The following OTUD7A variants were observed in gnomAD, a reference collection of about 807,000 sequenced individuals.
OTUD7A encodes OTU domain-containing protein 7A.
In OTUD7A, 12 loss-of-function variants were observed where a neutral mutation model predicts 65.7. The observed-to-expected ratio is 0.18, with a 90% confidence interval of 0.12 to 0.30. The LOEUF is 0.30. Ranked by LOEUF, OTUD7A falls within the 10% of genes least tolerant of loss-of-function variation. The pLI is 1.00. For synonymous variants in OTUD7A, 641 were observed against 586.3 expected (o/e 1.09, Z -1.35); for missense variants, 1,148 against 1,304.8 (o/e 0.88, Z 1.85).
chr15:31,773,517 A>G (rs2140916284), intron 1 of OTUD7A, among the ~76,000 whole-genome samples: 1 of 152,314 alleles, frequency 6.6e-6, no homozygotes, highest in South Asian at 2.1e-4. Flanking sequence ...GATACACCCT[A>G]ATGACCTAAT....
intron 2 of OTUD7A, among the ~76,000 whole-genome samples, chr15:31,656,477 G>T (rs1001938541): frequency 6.6e-5 from 10 of 152,178 alleles, no homozygotes; most frequent in Admixed American, 2.0e-4. Context: ...TTAAAACAGA[G>T]ACCCTTAAGG....
intron 1 of OTUD7A, among the ~76,000 whole-genome samples, chr15:31,666,393 A>G (rs1360483504): frequency 6.6e-6 from 1 of 152,020 alleles, no homozygotes; most frequent in Non-Finnish European, 1.5e-5. Flanking sequence ...TAGGTTTTCT[A>G]GTTTATGTGT....
At chr15:31,662,179 G>A (rs36068146) in intron 1 of OTUD7A, among the ~76,000 whole-genome samples, 14 of 152,298 alleles carry the variant, frequency 9.2e-5, no homozygotes, top group South Asian at 2.1e-4. Context: ...GAGGGGTTGC[G>A]TATACTGGCA....
chr15:31,753,286 A>G (rs78284910), intron 1 of OTUD7A, among the ~76,000 whole-genome samples: 2,576 of 152,130 alleles, frequency 0.017, 79 homozygotes, highest in African/African-American at 0.059. Context: ...AGTGTCACTG[A>G]AGAATTCTAC....
chr15:31,659,540 A>T (rs1892097960), intron 1 of OTUD7A, among the ~76,000 whole-genome samples: 1 of 152,254 alleles, frequency 6.6e-6, no homozygotes, highest in Non-Finnish European at 1.5e-5. Context: ...AATAAAAATT[A>T]GCGCAAAAAT....
intron 8 of OTUD7A, among the ~76,000 whole-genome samples, chr15:31,507,182 T>C (rs1203829464): frequency 1.3e-5 from 2 of 152,200 alleles, no homozygotes; most frequent in African/African-American, 4.8e-5. Context: ...TAATGTGTAT[T>C]TTAAAAATAT....
intron 1 of OTUD7A, among the ~76,000 whole-genome samples, chr15:31,770,309 G>C (rs771129202): frequency 5.9e-5 from 9 of 152,080 alleles, no homozygotes; most frequent in Non-Finnish European, 7.4e-5. Context: ...AAAAAAGTCA[G>C]AAAACTCATA....
intron 3 of OTUD7A, among the ~76,000 whole-genome samples, chr15:31,594,176 C>T (rs1566935604): frequency 1.3e-5 from 2 of 152,224 alleles, no homozygotes; most frequent in Admixed American, 6.5e-5. Flanking sequence ...CTGAGAGTGA[C>T]AGCAGCCTTC....
intron 1 of OTUD7A, among the ~76,000 whole-genome samples, chr15:31,680,106 T>C (rs1892678862): frequency 6.6e-6 from 1 of 152,198 alleles, no homozygotes; most frequent in East Asian, 1.9e-4. Flanking sequence ...TGCATCAAAT[T>C]GGCAAGGGAA....
chr15:31,784,898 G>C (rs1187838398), intron 1 of OTUD7A, among the ~76,000 whole-genome samples: 1 of 152,180 alleles, frequency 6.6e-6, no homozygotes, highest in East Asian at 1.9e-4. Flanking sequence ...AGTAGGGGAA[G>C]GTGTGGAGGC....
chr15:31,483,205 G>A lies in OTUD7A; in HGVS notation c.*89C>T, dbSNP rs750495668. ...TGACAGAGGAGGCGCCGGCCTTCCGGTGGACCAGGGCATGTAAAAAAGACA... is the reference window on the plus strand; with the variant it reads ...TGACAGAGGAGGCGCCGGCCTTCCGATGGACCAGGGCATGTAAAAAAGACA... On this transcript the variant is annotated 3_prime_UTR_variant, in exon 13 of 13. Coordinates refer to ENST00000307050, the MANE Select transcript of OTUD7A (RefSeq NM_001382637.1). The A allele has an allele frequency of 6.1e-4, 628 of 1,028,904 alleles. No homozygotes were observed. Among genetic ancestry groups the A allele is most frequent in the Non-Finnish European group, 6.9e-4 (592 of 857,604 alleles). 63.7% of individuals were successfully genotyped at this position (1,028,904 alleles called of 1,614,324 possible).
intron 1 of OTUD7A, among the ~76,000 whole-genome samples, chr15:31,810,595 G>A (rs1339263028): frequency 6.6e-6 from 1 of 152,128 alleles, no homozygotes; most frequent in Non-Finnish European, 1.5e-5. Flanking sequence ...ACCTTCATCT[G>A]GGATTTTCGG....
chr15:31,752,258 C>A (rs1894657757), intron 1 of OTUD7A, among the ~76,000 whole-genome samples: 1 of 152,068 alleles, frequency 6.6e-6, no homozygotes, highest in Non-Finnish European at 1.5e-5. Context: ...TGTATGGATA[C>A]ATACAAATAC....
intron 1 of OTUD7A, among the ~76,000 whole-genome samples, chr15:31,714,603 G>A (rs901508173): frequency 2.0e-5 from 3 of 152,084 alleles, no homozygotes; most frequent in Admixed American, 6.6e-5. Flanking sequence ...ACAATGAGCC[G>A]CAAAAATCTA....
rs535629817 is a variant in OTUD7A, at chr15:31,483,504, G to A, written c.2592C>T (p.Ala864=). 86 of 1,395,634 alleles carry A rather than the reference G, an allele frequency of 6.2e-5. No homozygotes were observed. The Middle Eastern group carries it at 7.4e-4, about 12-fold the overall frequency. 86.5% of individuals were successfully genotyped at this position (1,395,634 alleles called of 1,614,324 possible). The change falls in exon 13 of 13, where the codon GCC becomes GCT. Residue 864 remains alanine (A), a synonymous_variant. Transcript: ENST00000307050. ...CGGCGAACTCCAGGCCGTCGCGCAG[G>A]GCGCCGAAGCCGTTGGTGTAGGTCT... is the stretch of plus-strand genomic sequence containing the variant. ...KSQTYTNGFG[A]LRDGLEFADA...
intron 3 of OTUD7A, among the ~76,000 whole-genome samples, chr15:31,632,223 T>C (rs62004132): frequency 0.061 from 9,295 of 152,248 alleles, 441 homozygotes; most frequent in Non-Finnish European, 0.081. Flanking sequence ...TGTGGCTTTA[T>C]CTACTTTTGG....
intron 8 of OTUD7A, among the ~76,000 whole-genome samples, chr15:31,508,516 A>C (rs1034739796): frequency 6.6e-6 from 1 of 152,148 alleles, no homozygotes; most frequent in East Asian, 1.9e-4. Context: ...CGCTCGGCTA[A>C]TTTCTTTTTG....
At chr15:31,738,701 C>T (rs1894258999) in intron 1 of OTUD7A, among the ~76,000 whole-genome samples, 1 of 152,212 alleles carries the variant, frequency 6.6e-6, no homozygotes, top group African/African-American at 2.4e-5. Flanking sequence ...CTGTTGACTC[C>T]TGAAATCCAG....
intron 3 of OTUD7A, among the ~76,000 whole-genome samples, chr15:31,649,385 C>A (rs1224317293): frequency 6.6e-6 from 1 of 152,092 alleles, no homozygotes; most frequent in Admixed American, 6.5e-5. Flanking sequence ...CTGTGATTCC[C>A]ATCATTGCAG....
Sources: gnomAD v4.1 joint callset for allele counts (sites outside exome capture counted in the v4.1 genomes callset) on GRCh38, gnomAD v4.1.1 for gene constraint, MANE v1.5 for transcripts, NCBI Gene and HGNC (gene_info 2026-07-23, HGNC 2026-07-21) for gene names.